The following SUGCT variants were observed in gnomAD, a reference collection of about 807,000 sequenced individuals.
SUGCT encodes succinyl-CoA:glutarate-CoA transferase.
In SUGCT, 41 loss-of-function variants were observed where a neutral mutation model predicts 55.0. The ratio of observed to expected loss-of-function variants is 0.74; its 90% confidence interval spans 0.58 to 0.97. The LOEUF is 0.97. Among genes scored for constraint, SUGCT ranks in the 50% least tolerant of loss-of-function variants. SUGCT has a pLI of 0.00. For missense variants in SUGCT, 568 were observed against 547.8 expected (o/e 1.04, Z -0.37); for synonymous variants, 187 against 200.4 (o/e 0.93, Z 0.56).
At chr7:40,291,332 AT>A (rs1793739792) in intron 8 of SUGCT, among the ~76,000 whole-genome samples, 1 of 151,548 alleles carries the variant, frequency 6.6e-6, no homozygotes, top group African/African-American at 2.4e-5. Context: ...GCCATAAAAA[AT>A]GATGAGTTCA....
chr7:40,897,831 C>A, the SUGCT span, among the ~76,000 whole-genome samples: 58 of 152,286 alleles, frequency 3.8e-4, no homozygotes, highest in African/African-American at 1.3e-3. Flanking sequence ...CACCAATCAG[C>A]TCTCTGTCAA....
intron 11 of SUGCT, among the ~76,000 whole-genome samples, chr7:40,481,879 TTAAC>T (rs1162962063): frequency 1.3e-5 from 2 of 152,150 alleles, no homozygotes; most frequent in African/African-American, 2.4e-5. Flanking sequence ...ATTTTTCTGC[TTAAC>T]TTTTTTCCAT....
At chr7:40,482,506 C>A (rs560647671) in intron 11 of SUGCT, among the ~76,000 whole-genome samples, 1 of 151,890 alleles carries the variant, frequency 6.6e-6, no homozygotes, top group African/African-American at 2.4e-5. Flanking sequence ...AATATTTTTT[C>A]TTTAATAATT....
chr7:40,410,970 A>C (rs1363558332), intron 9 of SUGCT, among the ~76,000 whole-genome samples: 1 of 152,200 alleles, frequency 6.6e-6, no homozygotes, highest in Non-Finnish European at 1.5e-5. Context: ...TGGTCAGCAC[A>C]AAAAGGGTTA....
intron 9 of SUGCT, among the ~76,000 whole-genome samples, chr7:40,413,666 A>G (rs554625574): frequency 4.5e-4 from 69 of 152,302 alleles, no homozygotes; most frequent in African/African-American, 1.6e-3. Flanking sequence ...TTATAATGTA[A>G]TTTGATGGCC....
At chr7:40,522,904 C>T (rs1414109055) in intron 12 of SUGCT, among the ~76,000 whole-genome samples, 1 of 151,990 alleles carries the variant, frequency 6.6e-6, no homozygotes, top group Non-Finnish European at 1.5e-5. Flanking sequence ...TGCTAACTTT[C>T]CAAAAAATTT....
chr7:40,555,586 C>T lies in SUGCT; in HGVS notation c.1089+59200C>T, dbSNP rs75188264. On this transcript the variant is annotated intron_variant, in intron 12 of 13. Coordinates refer to ENST00000335693, the MANE Select transcript of SUGCT (RefSeq NM_001193313.2). ...CTTAAGCAGGCATCACAGTCTCCTG[C>T]GGAGCTGGTTTACACGTAGCCTGCT... 5.5e-4 allele frequency among the ~76,000 whole-genome samples: 84 copies of T among 152,176 alleles called. No homozygotes were observed. The East Asian group carries it at 0.011, about 20-fold the overall frequency.
intron 11 of SUGCT, among the ~76,000 whole-genome samples, chr7:40,487,042 A>C (rs1181726606): frequency 8.3e-6 from 1 of 120,664 alleles, no homozygotes; most frequent in East Asian, 2.5e-4. Flanking sequence ...TTTTTATACT[A>C]TTTTGGTCAG....
intron 13 of SUGCT, among the ~76,000 whole-genome samples, chr7:40,759,909 A>C (rs1788449321): frequency 6.6e-6 from 1 of 151,996 alleles, no homozygotes; most frequent in South Asian, 2.1e-4. Context: ...AGCAGCCATC[A>C]GAAAATGTAT....
At chr7:40,882,160 G>T in the SUGCT span, among the ~76,000 whole-genome samples, 1 of 152,206 alleles carries the variant, frequency 6.6e-6, no homozygotes, top group Non-Finnish European at 1.5e-5. Context: ...GATCCACTGG[G>T]CTGCAAATTA....
At chr7:40,643,100 A>G (rs2151827436) in intron 12 of SUGCT, among the ~76,000 whole-genome samples, 1 of 152,342 alleles carries the variant, frequency 6.6e-6, no homozygotes, top group East Asian at 1.9e-4. Flanking sequence ...TGGCAGTGGC[A>G]CAACTCTTTT....
chr7:40,225,922 T>C (rs554666865), intron 6 of SUGCT, among the ~76,000 whole-genome samples: 1 of 152,316 alleles, frequency 6.6e-6, no homozygotes, highest in South Asian at 2.1e-4. Context: ...ATTTACTTTG[T>C]ATAGTTCTTG....
At chr7:40,292,420 G>A (rs988479085) in intron 8 of SUGCT, among the ~76,000 whole-genome samples, 1 of 152,060 alleles carries the variant, frequency 6.6e-6, no homozygotes, top group East Asian at 1.9e-4. Context: ...CACACTTACA[G>A]GATAGACGAC....
chr7:40,596,085 A>G (rs1423909737), intron 12 of SUGCT, among the ~76,000 whole-genome samples: 1 of 152,172 alleles, frequency 6.6e-6, no homozygotes, highest in Non-Finnish European at 1.5e-5. Flanking sequence ...TTTCTTTTCA[A>G]ACTAGAGAAT....
the SUGCT span, among the ~76,000 whole-genome samples, chr7:40,928,820 T>C: frequency 1.3e-5 from 2 of 152,138 alleles, no homozygotes; most frequent in African/African-American, 4.8e-5. Context: ...AGGATGGTCT[T>C]GATCTCTTGA....
chr7:40,263,673 C>T (rs1019244675), intron 7 of SUGCT, among the ~76,000 whole-genome samples: 17 of 152,120 alleles, frequency 1.1e-4, no homozygotes, highest in African/African-American at 3.9e-4. Flanking sequence ...TTTGGAAGGG[C>T]AGAACATTTT....
chr7:40,254,253 T>C (rs1378021711), intron 7 of SUGCT, among the ~76,000 whole-genome samples: 1 of 152,154 alleles, frequency 6.6e-6, no homozygotes, highest in Admixed American at 6.5e-5. Flanking sequence ...ACATACACAA[T>C]GAATCCTGGT....
chr7:40,142,181 C>T (rs1384316785), intron 1 of SUGCT, among the ~76,000 whole-genome samples: 2 of 151,764 alleles, frequency 1.3e-5, no homozygotes, highest in Admixed American at 6.6e-5. Context: ...AGCAGGTAAT[C>T]GGAATGAGTC....
intron 11 of SUGCT, among the ~76,000 whole-genome samples, chr7:40,476,348 ACTCT>A (rs1237338998): frequency 1.3e-5 from 2 of 151,864 alleles, no homozygotes; most frequent in African/African-American, 4.8e-5. Flanking sequence ...AGCACCACAT[ACTCT>A]CTATTAAGCC....
Sources: allele counts gnomAD v4.1 joint callset (sites outside exome capture counted in the v4.1 genomes callset), GRCh38; gene constraint gnomAD v4.1.1; transcripts MANE v1.5; gene names NCBI Gene and HGNC (gene_info 2026-07-23, HGNC 2026-07-21).